PRKN: variants seen among roughly 807,000 people sequenced by gnomAD.
PRKN encodes E3 ubiquitin-protein ligase parkin.
Under a neutral mutation model 59.5 loss-of-function variants are expected in PRKN, and 56 were observed. The observed-to-expected ratio is 0.94, with a 90% CI of 0.76 to 1.18. The LOEUF is 1.18. Among genes scored for constraint, PRKN ranks in the 50% most tolerant of loss-of-function variants. PRKN has a pLI of 0.00. For missense variants in PRKN, 657 were observed against 596.4 expected (o/e 1.10, Z -1.06); for synonymous variants, 250 against 222.1 (o/e 1.13, Z -1.12).
intron 1 of PRKN, among the ~76,000 whole-genome samples, chr6:162,689,899 T>C (rs981991669): frequency 1.3e-5 from 2 of 152,138 alleles, no homozygotes; most frequent in African/African-American, 4.8e-5. Context: ...CAAAACCAAA[T>C]ACTGCTAGGC....
intron 7 of PRKN, among the ~76,000 whole-genome samples, chr6:161,623,348 T>G (rs1052483237): frequency 7.9e-5 from 12 of 152,220 alleles, no homozygotes; most frequent in Non-Finnish European, 1.0e-4. Context: ...ATAAGTCTTG[T>G]AAGTGAATGC....
chr6:161,988,094 C>G (rs930519440), intron 5 of PRKN, among the ~76,000 whole-genome samples: 1 of 152,160 alleles, frequency 6.6e-6, no homozygotes, highest in African/African-American at 2.4e-5. Flanking sequence ...CTCATGCCCC[C>G]ACCAGGAGAG....
rs201630997 is a variant in PRKN at position 162,319,621 on chromosome 6, CAA to C, written c.172-56858_172-56857del. 7.6e-3 allele frequency among the ~76,000 whole-genome samples: 1,161 copies of C among 152,080 alleles called. 7 individuals are homozygous for C. Among genetic ancestry groups the C allele is most frequent in the Middle Eastern group, 0.014 (4 of 294 alleles). On this transcript the variant is annotated intron_variant, in intron 2 of 11. Coordinates refer to ENST00000366898, the MANE Select transcript of PRKN (RefSeq NM_004562.3). Reference sequence around the variant, plus strand: ...TCATTATCTCATTAAATTGTCCTAACAAACCAATAAGGAAAATACATTATTTC... The same window carrying C: ...TCATTATCTCATTAAATTGTCCTAACACCAATAAGGAAAATACATTATTTC...
At chr6:161,500,024 C>T (rs549382014) in intron 9 of PRKN, among the ~76,000 whole-genome samples, 8 of 149,986 alleles carry the variant, frequency 5.3e-5, no homozygotes, top group Non-Finnish European at 7.4e-5. Context: ...AGTCCTTCGG[C>T]CATGTTTCCT....
chr6:162,227,160 A>G (rs1778218063), intron 3 of PRKN, among the ~76,000 whole-genome samples: 1 of 152,186 alleles, frequency 6.6e-6, no homozygotes, highest in East Asian at 1.9e-4. Context: ...GCATATGTAC[A>G]TCTTTACGTA....
At chr6:162,274,183 GTATT>G (rs145665415) in intron 2 of PRKN, among the ~76,000 whole-genome samples, 3,590 of 151,352 alleles carry the variant, frequency 0.024, 139 homozygotes, top group African/African-American at 0.083. Flanking sequence ...ATTTATTAAT[GTATT>G]TATTTATTTA....
intron 1 of PRKN, among the ~76,000 whole-genome samples, chr6:162,655,871 T>G (rs1778623608): frequency 6.6e-6 from 1 of 152,212 alleles, no homozygotes; most frequent in African/African-American, 2.4e-5. Flanking sequence ...GAGTGAAATG[T>G]AAACTGACTT....
intron 5 of PRKN, among the ~76,000 whole-genome samples, chr6:161,992,343 AAAAG>A (rs1457762399): frequency 2.0e-5 from 3 of 152,140 alleles, no homozygotes; most frequent in African/African-American, 7.2e-5. Flanking sequence ...CTGTCTTTAA[AAAAG>A]AGAGAGAGAG....
At chr6:161,597,824 G>A (rs779706921) in intron 7 of PRKN, among the ~76,000 whole-genome samples, 1 of 130,290 alleles carries the variant, frequency 7.7e-6, no homozygotes, top group Non-Finnish European at 1.6e-5. Flanking sequence ...TCTGTCCTCT[G>A]ATCCAGCGTG....
chr6:162,356,324 T>C (rs967013387), intron 2 of PRKN, among the ~76,000 whole-genome samples: 3 of 152,008 alleles, frequency 2.0e-5, no homozygotes, highest in East Asian at 3.9e-4. Context: ...GCTGCTTTCA[T>C]AGCCGTCCCC....
At chr6:161,572,300 C>A (rs1335462832) in intron 7 of PRKN, among the ~76,000 whole-genome samples, 1 of 152,130 alleles carries the variant, frequency 6.6e-6, no homozygotes, top group East Asian at 1.9e-4. Flanking sequence ...CTGAGTAGTA[C>A]AAAAGATTAC....
At chr6:162,557,572 G>A (rs1779659246) in intron 1 of PRKN, among the ~76,000 whole-genome samples, 1 of 152,096 alleles carries the variant, frequency 6.6e-6, no homozygotes, top group Admixed American at 6.6e-5. Context: ...GGAATGCAGT[G>A]GCATGATCTC....
At chr6:161,452,041 C>A (rs1169891676) in intron 9 of PRKN, among the ~76,000 whole-genome samples, 25 of 151,742 alleles carry the variant, frequency 1.6e-4, no homozygotes. Context: ...CTGCACCCTC[C>A]CCCTCCCGGG....
intron 2 of PRKN, among the ~76,000 whole-genome samples, chr6:162,325,420 T>G (rs1052378846): frequency 6.6e-6 from 1 of 152,140 alleles, no homozygotes; most frequent in African/African-American, 2.4e-5. Flanking sequence ...CAGCCTCAAT[T>G]TACTATAAAA....
chr6:162,013,886 C>A (rs1399890847), intron 5 of PRKN, among the ~76,000 whole-genome samples: 1 of 152,052 alleles, frequency 6.6e-6, no homozygotes, highest in East Asian at 1.9e-4. Flanking sequence ...TTTCACTGTG[C>A]CATATTATCT....
intron 2 of PRKN, among the ~76,000 whole-genome samples, chr6:162,301,458 C>T (rs1371484785): frequency 6.6e-6 from 1 of 152,072 alleles, no homozygotes; most frequent in Non-Finnish European, 1.5e-5. Context: ...ACACTACTGA[C>T]AGGGCGGCCT....
chr6:161,973,793 A>C (rs991120520), intron 5 of PRKN, among the ~76,000 whole-genome samples: 2 of 152,238 alleles, frequency 1.3e-5, no homozygotes, highest in African/African-American at 4.8e-5. Flanking sequence ...CCATGAAATG[A>C]GGTGCCCACG....
rs886180554 is a variant in PRKN at position 161,348,051 on chromosome 6, A to C, written c.*2048T>G. The C allele has an allele frequency of 6.5e-5, 12 of 184,512 alleles. No homozygotes were observed. Among genetic ancestry groups the C allele is most frequent in the Non-Finnish European group, 1.4e-4 (12 of 87,102 alleles). The allele number at this position is 184,512 out of a possible 1,614,324, so 11.4% of individuals were successfully genotyped here. A position where few individuals can be genotyped will look rare whatever the true frequency, so the allele number is the denominator to read the frequency against. ...TAGGGTGCCTGAGCTCATGGGAGCA[A>C]ACCTTGTTCAGGCACCGCAAGCCCA... is the stretch of plus-strand genomic sequence containing the variant. On this transcript the variant is annotated 3_prime_UTR_variant, in exon 12 of 12. Transcript: ENST00000366898. The surrounding 1 kb of genome is among the most constrained non-coding windows in gnomAD (Gnocchi z 4.9).
At chr6:162,317,752 T>C (rs564842388) in intron 2 of PRKN, among the ~76,000 whole-genome samples, 20 of 152,000 alleles carry the variant, frequency 1.3e-4, no homozygotes, top group Admixed American at 1.2e-3. Flanking sequence ...CAAAGGATGG[T>C]CGAGATACAT....
Sources: allele counts gnomAD v4.1 joint callset (sites outside exome capture counted in the v4.1 genomes callset), GRCh38; gene constraint gnomAD v4.1.1; non-coding constraint Gnocchi (gnomAD v3.1); transcripts MANE v1.5; gene names NCBI Gene and HGNC (gene_info 2026-07-23, HGNC 2026-07-21).